TMEM230: variants seen among roughly 807,000 people sequenced by gnomAD.
TMEM230 encodes the protein UPF0414 transmembrane protein C20orf30.
In TMEM230, 10 loss-of-function variants were observed where a neutral mutation model predicts 15.8. That is an observed-to-expected ratio of 0.63 (90% CI 0.39 to 1.07). TMEM230 has a LOEUF of 1.07. TMEM230 is among the 50% of genes least tolerant of loss of function. The pLI is 0.01. For synonymous variants in TMEM230, 67 were observed against 76.9 expected (o/e 0.87, Z 0.68); for missense variants, 165 against 193.3 (o/e 0.85, Z 0.87).
chr20:5,070,198 G>A (rs2088776920), intron 3 of TMEM230, among the ~76,000 whole-genome samples: 1 of 152,126 alleles, frequency 6.6e-6, no homozygotes, highest in Non-Finnish European at 1.5e-5. Context: ...CACCTGGAAA[G>A]GCCGTGCATC....
chr20:5,085,462 T>C (rs2089307472), intron 3 of TMEM230, among the ~76,000 whole-genome samples: 1 of 152,136 alleles, frequency 6.6e-6, no homozygotes, highest in Admixed American at 6.5e-5. Flanking sequence ...CTAATTTTTG[T>C]ATGTTTAGTA....
intron 3 of TMEM230, among the ~76,000 whole-genome samples, chr20:5,075,726 A>C (rs2088971329): frequency 6.6e-6 from 1 of 152,098 alleles, no homozygotes; most frequent in Admixed American, 6.5e-5. Flanking sequence ...CTTCGCCTCA[A>C]AAATAATAAT....
At chr20:5,098,135 G>A (rs1209993702), downstream of TMEM230, among the ~76,000 whole-genome samples, 1 of 151,772 alleles carries the variant, frequency 6.6e-6, no homozygotes, top group Admixed American at 6.6e-5. Flanking sequence ...GTGTCACCAC[G>A]CCCAACTAAT....
At chr20:5,112,774 A>G in intron 1 of TMEM230, 187 bp downstream of exon 1, 1 of 1,477,554 alleles carries the variant, frequency 6.8e-7, no homozygotes, top group Non-Finnish European at 9.0e-7. Context: ...GAGAGAAATA[A>G]GAACCGACGC....
the TMEM230 span, among the ~76,000 whole-genome samples, chr20:5,061,887 A>G: frequency 6.6e-6 from 1 of 152,130 alleles, no homozygotes; most frequent in Non-Finnish European, 1.5e-5. Context: ...ATTACAGATT[A>G]GTTTGGGAAG....
At chr20:5,100,953 C>A in intron 4 of TMEM230, 22 bp from the exon 4 acceptor site, 1 of 1,613,402 alleles carries the variant, frequency 6.2e-7, no homozygotes, top group Non-Finnish European at 8.5e-7. Context: ...AGGAGGCAAA[C>A]ACATTAGTAC....
chr20:5,102,468 A>G (rs1239654972), intron 4 of TMEM230, among the ~76,000 whole-genome samples: 1 of 152,104 alleles, frequency 6.6e-6, no homozygotes, highest in Non-Finnish European at 1.5e-5. Context: ...AGGCAGGCAG[A>G]TCGCTTGAGC....
chr20:5,106,728 C>T (rs1026229221), intron 3 of TMEM230, among the ~76,000 whole-genome samples: 3 of 151,936 alleles, frequency 2.0e-5, no homozygotes, highest in African/African-American at 4.8e-5. Context: ...ATTTTAGAGA[C>T]GGAGTCTTGC....
At chr20:5,108,912 T>C (rs1394784132) in intron 3 of TMEM230, among the ~76,000 whole-genome samples, 1 of 152,190 alleles carries the variant, frequency 6.6e-6, no homozygotes, top group Non-Finnish European at 1.5e-5. Flanking sequence ...GCTTTAGTAA[T>C]AAGTTTCTCC....
At chr20:5,074,428 A>T (rs1354950759) in intron 3 of TMEM230, among the ~76,000 whole-genome samples, 1 of 151,896 alleles carries the variant, frequency 6.6e-6, no homozygotes, top group African/African-American at 2.4e-5. Context: ...ACTTTCCCAC[A>T]GTTTACAACC....
intron 3 of TMEM230, among the ~76,000 whole-genome samples, chr20:5,107,379 C>T (rs1489386139): frequency 6.6e-6 from 1 of 152,122 alleles, no homozygotes; most frequent in Admixed American, 6.5e-5. Flanking sequence ...TGTCCTACCA[C>T]CCAGTGCAGC....
intron 4 of TMEM230, among the ~76,000 whole-genome samples, chr20:5,103,766 CTT>C (rs1354145303): frequency 6.6e-6 from 1 of 152,078 alleles, no homozygotes; most frequent in Non-Finnish European, 1.5e-5. Context: ...CCTCAAATCT[CTT>C]GACATATACA....
At chr20:5,082,924 T>G (rs1324618691) in intron 3 of TMEM230, among the ~76,000 whole-genome samples, 1 of 25,554 alleles carries the variant, frequency 3.9e-5, no homozygotes, top group African/African-American at 3.4e-4. Context: ...TTCATATTGT[T>G]TTTTTTTTTT....
intron 3 of TMEM230, among the ~76,000 whole-genome samples, chr20:5,091,944 T>G (rs1327216968): frequency 6.6e-6 from 1 of 152,184 alleles, no homozygotes; most frequent in South Asian, 2.1e-4. Context: ...GTCTACTTTT[T>G]TGGTTAATGT....
At position 5,078,086 on chromosome 20, in the gene TMEM230, A is replaced by C. The variant is rs573395955; in HGVS notation, c.223-8737T>G. Among the ~76,000 whole-genome samples the C allele has an allele frequency of 6.4e-4, 97 of 152,312 alleles. 5 individuals carry two copies. In the South Asian group the frequency reaches 0.016, roughly 26 times the overall value. On this transcript the variant is annotated intron_variant, in intron 3 of 3. Coordinates refer to the TMEM230 transcript ENST00000612323. Reference sequence around the variant, plus strand: ...AGTATAATCTGAGGCAGAGCAGTAGAAACTGGCTCAGGAGAAAAGGGAGGA... The same window carrying C: ...AGTATAATCTGAGGCAGAGCAGTAGCAACTGGCTCAGGAGAAAAGGGAGGA...
chr20:5,111,822 A>G (rs921658457), intron 1 of TMEM230: 10 of 974,850 alleles, frequency 1.0e-5, no homozygotes, highest in African/African-American at 1.8e-5. Flanking sequence ...ATTCCAAAAA[A>G]TAACAAATTG....
chr20:5,068,876 C>T (rs929751046), exon 4 of TMEM230: 2 of 258,636 alleles, frequency 7.7e-6, no homozygotes, highest in Non-Finnish European at 7.4e-6. Context: ...CAGCATCGCT[C>T]TCAGTACCAA....
intron 4 of TMEM230, 83 bp downstream of exon 3, chr20:5,106,105 A>T (rs1024221014): frequency 6.6e-7 from 1 of 1,521,110 alleles, no homozygotes; most frequent in African/African-American, 1.4e-5. Flanking sequence ...ACACACACAC[A>T]CACACACACA....
chr20:5,098,221 C>A (rs139981934), downstream of TMEM230, among the ~76,000 whole-genome samples: 356 of 152,170 alleles, frequency 2.3e-3, no homozygotes, highest in African/African-American at 8.1e-3. Flanking sequence ...GTGATCCGCC[C>A]GCCTCGGGCT....
Sources: allele counts gnomAD v4.1 joint callset (sites outside exome capture counted in the v4.1 genomes callset), GRCh38; gene constraint gnomAD v4.1.1; transcripts MANE v1.5; gene names NCBI Gene and HGNC (gene_info 2026-07-23, HGNC 2026-07-21).